Variants in TEX2 observed in about 807,000 individuals in gnomAD.
TEX2 encodes testis expressed 2.
In TEX2, 53 loss-of-function variants were observed where a neutral mutation model predicts 106.9. The ratio of observed to expected loss-of-function variants is 0.50; its 90% CI spans 0.40 to 0.62. The LOEUF is 0.62. Ranked by LOEUF, TEX2 falls within the 20% of genes least tolerant of loss-of-function variation. The pLI is 0.00. For synonymous variants in TEX2, 523 were observed against 534.8 expected, an observed-to-expected ratio of 0.98 and a Z score of 0.30; for missense variants, 1,207 against 1,379.0, an observed-to-expected ratio of 0.88 and a Z score of 1.98.
At chr17:64,201,863 A>G (rs1598173192) in intron 2 of TEX2, among the ~76,000 whole-genome samples, 1 of 152,228 alleles carries the variant, frequency 6.6e-6, no homozygotes, top group South Asian at 2.1e-4. Context: ...ATGTTTGTTG[A>G]CTGAATACAT....
intron 1 of TEX2, among the ~76,000 whole-genome samples, chr17:64,257,306 C>G (rs2034202025): frequency 6.6e-6 from 1 of 152,200 alleles, no homozygotes; most frequent in Non-Finnish European, 1.5e-5. Flanking sequence ...TCACAGTGAC[C>G]TGGCACATGG....
intron 5 of TEX2, among the ~76,000 whole-genome samples, chr17:64,180,246 G>C (rs559688168): frequency 6.6e-6 from 1 of 152,294 alleles, no homozygotes; most frequent in South Asian, 2.1e-4. Flanking sequence ...CCCTTCCCTA[G>C]AGGGAGCATC....
intron 3 of TEX2, 56 bp from the exon 4 acceptor site, chr17:64,193,945 T>G: frequency 7.7e-7 from 1 of 1,301,868 alleles, no homozygotes; most frequent in Non-Finnish European, 1.0e-6. Context: ...CACTATGCAT[T>G]AATATTATGC....
intron 1 of TEX2, among the ~76,000 whole-genome samples, chr17:64,252,271 T>C (rs1243482782): frequency 6.6e-6 from 1 of 152,178 alleles, no homozygotes; most frequent in Non-Finnish European, 1.5e-5. Flanking sequence ...TTTCCCCCCA[T>C]TTCCCTTCCT....
chr17:64,172,842 C>T (rs2031468600), intron 6 of TEX2, among the ~76,000 whole-genome samples: 1 of 152,166 alleles, frequency 6.6e-6, no homozygotes, highest in Non-Finnish European at 1.5e-5. Context: ...CCAAATCTAT[C>T]CGTAGGAATT....
rs376495527 is a variant in TEX2, at chr17:64,213,077, C to T, written c.1141G>A (p.Glu381Lys). 5 of 1,614,088 alleles carry T rather than the reference C, an allele frequency of 3.1e-6. No individual in the cohort carries two copies. Among genetic ancestry groups the T allele is most frequent in the Non-Finnish European group, 4.2e-6 (5 of 1,180,050 alleles). The change falls in exon 2 of 12, where the codon GAA (glutamate) becomes AAA (lysine). Residue 381 changes from glutamate to lysine, a missense_variant. Around this residue, in one of 3 missense-constraint regions of TEX2, gnomAD observed 1,067 missense variants for 1,193.6 expected, o/e 0.89. Transcript: ENST00000584379. The surrounding 1 kb of genome is among the most constrained non-coding windows in gnomAD (Gnocchi z 4.4). ...KSTGEPTREI[E>K]LKSSQGSSLK... ...CTGCTCCCCTGGGAACTTTTCAGTTCTATCTCTCTTGTGGGCTCACCAGTG... is the reference window on the plus strand; with the variant it reads ...CTGCTCCCCTGGGAACTTTTCAGTTTTATCTCTCTTGTGGGCTCACCAGTG...
chr17:64,257,931 A>G lies in TEX2; in HGVS notation c.-26+5237T>C, dbSNP rs373846988. On this transcript the variant is annotated intron_variant, in intron 1 of 11. Transcript: ENST00000584379. ...TATAACCGTTCTTTTTTTTTTTTTG[A>G]GATGGAGTCTCGCTCTGTCGCCCAG... Among the ~76,000 whole-genome samples the G allele has an allele frequency of 8.3e-5, 12 of 145,226 alleles. No individual in the cohort carries two copies. In the East Asian group the frequency reaches 1.2e-3, roughly 14 times the overall value.
At chr17:64,244,409 G>A (rs774630149) in intron 1 of TEX2, among the ~76,000 whole-genome samples, 3 of 152,062 alleles carry the variant, frequency 2.0e-5, no homozygotes, top group Non-Finnish European at 2.9e-5. Context: ...AATTTGCCTC[G>A]CACTCATGGA....
rs562528414 is a variant in TEX2, at chr17:64,153,372, A to G, written c.2931-218T>C. ...GCCAATAGCACTCCCCCTAGTTATG[A>G]CAATAAAAAATGTTGCCAGACATCG... On this transcript the variant is annotated intron_variant, in intron 9 of 11. Coordinates refer to ENST00000584379, the MANE Select transcript of TEX2 (RefSeq NM_001288732.2). The surrounding 1 kb of genome is among the most constrained non-coding windows in gnomAD (Gnocchi z 4.1). Among the ~76,000 whole-genome samples the G allele has an allele frequency of 5.3e-5, 8 of 152,170 alleles. No homozygotes were observed. The highest frequency in any genetic ancestry group is 1.0e-4 in the Non-Finnish European group (7 of 68,040).
At chr17:64,188,072 TC>T in intron 5 of TEX2, 95 bp downstream of exon 5, 1 of 1,411,276 alleles carries the variant, frequency 7.1e-7, no homozygotes, top group Non-Finnish European at 9.6e-7. Context: ...ACCACTGTTA[TC>T]CCAGTGCCCA....
At chr17:64,231,999 C>T (rs1248566050) in intron 1 of TEX2, among the ~76,000 whole-genome samples, 1 of 152,260 alleles carries the variant, frequency 6.6e-6, no homozygotes, top group Admixed American at 6.5e-5. Context: ...TTCCAGCCTT[C>T]TCTAATCACC....
intron 5 of TEX2, among the ~76,000 whole-genome samples, chr17:64,186,511 T>C (rs1359197167): frequency 6.6e-6 from 1 of 152,074 alleles, no homozygotes; most frequent in Non-Finnish European, 1.5e-5. Flanking sequence ...GAAATACACA[T>C]GGTCATTGTA....
chr17:64,234,797 TACC>T (rs1164001462), intron 1 of TEX2, among the ~76,000 whole-genome samples: 6 of 152,336 alleles, frequency 3.9e-5, no homozygotes, highest in Non-Finnish European at 1.5e-5. Context: ...CAAGAAATAT[TACC>T]ACTTGTTCTC....
At chr17:64,234,604 A>G (rs537602807) in intron 1 of TEX2, among the ~76,000 whole-genome samples, 14 of 152,340 alleles carry the variant, frequency 9.2e-5, no homozygotes, top group Non-Finnish European at 2.9e-5. Flanking sequence ...GAGCAGCCTC[A>G]CTGGGTCTGG....
chr17:64,193,800 A>G lies in TEX2; in HGVS notation c.1935T>C (p.Phe645=). The G allele has an allele frequency of 6.2e-7, 1 of 1,609,878 alleles. No homozygotes were observed. Among genetic ancestry groups the G allele is most frequent in the Non-Finnish European group, 8.5e-7 (1 of 1,177,404 alleles). Residue 645 remains phenylalanine (F), a synonymous_variant, in exon 4 of 12, where the codon TTT becomes TTC. Coordinates refer to ENST00000584379, the MANE Select transcript of TEX2 (RefSeq NM_001288732.2). ...ICIELGQQDD[F]MSKAQTDKET... ...CCTTATCAGTCTGAGCTTTAGACAT[A>G]AAGTCATCTTGCTGACCAAGCTCGA...
At chr17:64,240,112 A>G (rs1170366346) in intron 1 of TEX2, among the ~76,000 whole-genome samples, 1 of 152,090 alleles carries the variant, frequency 6.6e-6, no homozygotes, top group Non-Finnish European at 1.5e-5. Flanking sequence ...ACTAGTAAGT[A>G]CACTGATTAT....
In TEX2 at chr17:64,195,976, C is replaced by G. The variant is rs926082099; in HGVS notation, c.1645-881G>C. ...GAGTTTTAATTGATATCTTCCTACT[C>G]TCCCCAACTTTTTAAAAATACATGT... On this transcript the variant is annotated intron_variant, in intron 2 of 11. Transcript: ENST00000584379. The surrounding 1 kb of genome is among the most constrained non-coding windows in gnomAD (Gnocchi z 4.1). 2.0e-5 allele frequency among the ~76,000 whole-genome samples: 3 copies of G among 152,200 alleles called. No homozygotes were observed. Among genetic ancestry groups the G allele is most frequent in the Non-Finnish European group, 4.4e-5 (3 of 68,042 alleles).
Position 64,205,274 on chromosome 17 carries a change from G to A in TEX2, c.1644+7300C>T, listed in dbSNP as rs2032795064. Among the ~76,000 whole-genome samples, 1 of 152,134 alleles carries A rather than the reference G, an allele frequency of 6.6e-6. No individual in the cohort carries two copies. The highest frequency in any genetic ancestry group is 1.5e-5 in the Non-Finnish European group (1 of 68,028). On this transcript the variant is annotated intron_variant, in intron 2 of 11. Transcript: ENST00000584379. The surrounding 1 kb of genome is among the most constrained non-coding windows in gnomAD (Gnocchi z 4.0). ...AGAGGTTGCAGTGAGCCAAGATTGT[G>A]CCACTGCACTCTAGCCTGAGCGACA... is the stretch of plus-strand genomic sequence containing the variant.
chr17:64,233,786 C>G (rs1555634834), intron 1 of TEX2, among the ~76,000 whole-genome samples: 1 of 152,182 alleles, frequency 6.6e-6, no homozygotes, highest in Non-Finnish European at 1.5e-5. Flanking sequence ...AAGTCTCTAT[C>G]AAGGTCAATG....
Sources: allele counts gnomAD v4.1 joint callset (sites outside exome capture counted in the v4.1 genomes callset), GRCh38; gene constraint gnomAD v4.1.1; regional missense constraint gnomAD v4.1.1; non-coding constraint Gnocchi (gnomAD v3.1); transcripts MANE v1.5; gene names NCBI Gene and HGNC (gene_info 2026-07-23, HGNC 2026-07-21).